RICTOR: variants seen among roughly 807,000 people sequenced by gnomAD.
The protein encoded by RICTOR is RPTOR independent companion of MTOR complex 2, also known as rapamycin-insensitive companion of mTOR.
Under a neutral mutation model 214.9 loss-of-function variants are expected in RICTOR, and 49 were observed. The ratio of observed to expected loss-of-function variants is 0.23; its 90% confidence interval spans 0.18 to 0.29. The LOEUF (loss-of-function observed/expected upper bound fraction) is 0.29, where lower values mean the gene tolerates loss of function less well. RICTOR is among the 10% of genes least tolerant of loss of function. The probability of loss-of-function intolerance (pLI) is 1.00; values close to 1 mark genes in which losing one functional copy is unlikely to be tolerated. For synonymous variants in RICTOR, 717 were observed against 711.3 expected (o/e 1.01, Z -0.13); for missense variants, 1,625 against 2,047.0 (o/e 0.79, Z 3.98).
chr5:38,945,659 G>A lies in RICTOR; in HGVS notation c.4465C>T (p.Leu1489Phe), dbSNP rs759787504. The A allele has an allele frequency of 2.5e-6, 4 of 1,614,006 alleles. No homozygotes were observed. Among genetic ancestry groups the A allele is most frequent in the Non-Finnish European group, 3.4e-6 (4 of 1,179,896 alleles). Residue 1489 changes from leucine to phenylalanine, a missense_variant, in exon 34 of 38, where the codon CTT becomes TTT. Leu to Phe is a conservative substitution (Grantham distance 22). Coordinates refer to ENST00000357387, the MANE Select transcript of RICTOR (RefSeq NM_152756.5). ...TGGATTGAATTCATTATTTCCGTAA[G>A]ACTCATCTGCTGTCGTAGCAAGTGA... ...SFHLLRQQMSLTEIMNSIHSD... is the reference protein window; with the variant it reads ...SFHLLRQQMSFTEIMNSIHSD...
chr5:38,947,689 G>A (rs1480890558), intron 31 of RICTOR, among the ~76,000 whole-genome samples: 1 of 152,024 alleles, frequency 6.6e-6, no homozygotes, highest in Admixed American at 6.6e-5. Flanking sequence ...AGGTAAAGGT[G>A]AAAAGGTGGG....
intron 2 of RICTOR, among the ~76,000 whole-genome samples, chr5:39,027,545 C>T (rs1360968611): frequency 6.6e-6 from 1 of 152,058 alleles, no homozygotes; most frequent in Non-Finnish European, 1.5e-5. Context: ...TCATGTATTG[C>T]ATGGCACGTA....
intron 37 of RICTOR, 50 bp from the exon 38 acceptor site, chr5:38,942,428 A>G: frequency 9.6e-7 from 1 of 1,040,856 alleles, no homozygotes; most frequent in Non-Finnish European, 1.4e-6. Context: ...AACAGATGAT[A>G]TAACATATTT....
chr5:38,950,773 A>G lies in RICTOR; in HGVS notation c.3128-53T>C, dbSNP rs1027600096. 26 of 1,457,328 alleles carry G rather than the reference A, an allele frequency of 1.8e-5. No homozygotes were observed. In the South Asian group the frequency reaches 2.6e-4, roughly 15 times the overall value. The allele number at this position is 1,457,328 out of a possible 1,614,324, so 90.3% of individuals were successfully genotyped here. On this transcript the variant is annotated intron_variant, in intron 30 of 37. Coordinates refer to ENST00000357387, the MANE Select transcript of RICTOR (RefSeq NM_152756.5). ...ACACATATAAAATGACAAATTCATGATAACTATTAGTGACATCACATTTCA... is the reference window on the plus strand; with the variant it reads ...ACACATATAAAATGACAAATTCATGGTAACTATTAGTGACATCACATTTCA...
At chr5:39,012,089 A>C (rs973439350) in intron 3 of RICTOR, among the ~76,000 whole-genome samples, 8 of 152,154 alleles carry the variant, frequency 5.3e-5, no homozygotes, top group African/African-American at 1.9e-4. Context: ...CAAGGGTGGG[A>C]TCACGTGAAA....
At chr5:39,024,709 T>C (rs1561544557) in intron 2 of RICTOR, among the ~76,000 whole-genome samples, 1 of 152,246 alleles carries the variant, frequency 6.6e-6, no homozygotes, top group African/African-American at 2.4e-5. Context: ...TAGTTACTGC[T>C]ATCTAATGAT....
At position 38,949,896 on chromosome 5, in the gene RICTOR, T is replaced by C; in HGVS notation, c.3952A>G (p.Asn1318Asp). ...TCTCTAGAACTTGTGTAACTAAAGT[T>C]ACAATCTGCTAGACTTTTAATTGTA... ...IATIKSLADC[N>D]FSYTSSRDAF... The change falls in exon 31 of 38, where the codon AAC becomes GAC. Residue 1318 changes from asparagine (N) to aspartate (D), a missense_variant. This residue lies in a region of RICTOR where 1,214 missense variants were observed against 1,470.5 expected (regional missense o/e 0.83). Transcript: ENST00000357387. 6.2e-7 allele frequency: 1 copy of C among 1,613,504 alleles called. No individual in the cohort carries two copies. Among genetic ancestry groups the C allele is most frequent in the South Asian group, 1.1e-5 (1 of 91,070 alleles).
intron 2 of RICTOR, among the ~76,000 whole-genome samples, chr5:39,064,191 G>T (rs1386797679): frequency 6.6e-6 from 1 of 151,970 alleles, no homozygotes; most frequent in Non-Finnish European, 1.5e-5. Context: ...TTGTTGTATG[G>T]ATATAATTTT....
rs533612405 is a variant in RICTOR, at chr5:39,060,502, G to A, written c.97+13609C>T. ...AGAAGCATACAGGAATCAAAAGAGCGGTGAGGTATTACAGAGGGTAGTAAT... is the reference window on the plus strand; with the variant it reads ...AGAAGCATACAGGAATCAAAAGAGCAGTGAGGTATTACAGAGGGTAGTAAT... On this transcript the variant is annotated intron_variant, in intron 2 of 37. Transcript: ENST00000357387. Among the ~76,000 whole-genome samples, 59 of 151,994 alleles carry A rather than the reference G, an allele frequency of 3.9e-4. No individual in the cohort carries two copies. The South Asian group carries it at 3.9e-3, about 10-fold the overall frequency.
intron 5 of RICTOR, 112 bp from the exon 6 acceptor site, chr5:38,996,994 G>T: frequency 2.8e-6 from 2 of 719,348 alleles, no homozygotes; most frequent in East Asian, 2.6e-5. Context: ...GTATATTATT[G>T]TTTTGGTATA....
chr5:38,979,397 T>A (rs563632645), intron 8 of RICTOR, among the ~76,000 whole-genome samples: 3 of 152,322 alleles, frequency 2.0e-5, no homozygotes, highest in African/African-American at 7.2e-5. Context: ...ACATAAGAGA[T>A]TAATAACTAC....
At chr5:38,953,362 A>C in intron 28 of RICTOR, 99 bp downstream of exon 28, 1 of 554,622 alleles carries the variant, frequency 1.8e-6, no homozygotes, top group Non-Finnish European at 3.2e-6. Context: ...TAATCTAATA[A>C]GTAGTTCCAA....
At chr5:39,023,536 C>T (rs544172438) in intron 2 of RICTOR, among the ~76,000 whole-genome samples, 211 of 152,268 alleles carry the variant, frequency 1.4e-3, no homozygotes, top group African/African-American at 4.8e-3. Flanking sequence ...CTTCAGATGG[C>T]TATAAACTAT....
chr5:38,943,092 G>C (rs948594297), intron 36 of RICTOR, 121 bp from the exon 37 acceptor site: 5 of 589,676 alleles, frequency 8.5e-6, no homozygotes, highest in East Asian at 5.5e-5. Context: ...GGCATACTTG[G>C]GGTGATGACT....
At chr5:39,017,147 C>T (rs1316749388) in intron 3 of RICTOR, among the ~76,000 whole-genome samples, 1 of 152,100 alleles carries the variant, frequency 6.6e-6, no homozygotes, top group Non-Finnish European at 1.5e-5. Context: ...TTCTTACCTC[C>T]ATCCCCAACT....
chr5:39,027,609 T>C (rs1755934941), intron 2 of RICTOR, among the ~76,000 whole-genome samples: 1 of 152,208 alleles, frequency 6.6e-6, no homozygotes, highest in Non-Finnish European at 1.5e-5. Flanking sequence ...TACACATATT[T>C]ATGTTAAAGT....
intron 5 of RICTOR, among the ~76,000 whole-genome samples, chr5:38,998,358 G>A (rs1453450806): frequency 6.6e-6 from 1 of 152,036 alleles, no homozygotes; most frequent in Non-Finnish European, 1.5e-5. Flanking sequence ...GCTAATTTTT[G>A]TTTTCTTAAT....
intron 15 of RICTOR, 27 bp downstream of exon 15, chr5:38,966,614 C>T: frequency 2.8e-6 from 3 of 1,068,280 alleles, no homozygotes; most frequent in Non-Finnish European, 4.3e-6. Flanking sequence ...AGGTATGAAA[C>T]ATATAATCAG....
At chr5:39,015,588 C>G (rs140869825) in intron 3 of RICTOR, among the ~76,000 whole-genome samples, 1 of 151,540 alleles carries the variant, frequency 6.6e-6, no homozygotes, top group Non-Finnish European at 1.5e-5. Context: ...TGCTGAACAC[C>G]CTAAAATACA....
Sources: gnomAD v4.1 joint callset for allele counts (sites outside exome capture counted in the v4.1 genomes callset) on GRCh38, gnomAD v4.1.1 for gene constraint, gnomAD v4.1.1 regional missense constraint, MANE v1.5 for transcripts, NCBI Gene and HGNC (gene_info 2026-07-23, HGNC 2026-07-21) for gene names.